ST3GAL1: variants seen among roughly 807,000 people sequenced by gnomAD.
The protein encoded by ST3GAL1 is CMP-N-acetylneuraminate-beta-galactosamide-alpha-2,3-sialyltransferase 1.
In ST3GAL1, 16 loss-of-function variants were observed where a neutral mutation model predicts 34.1. The observed-to-expected ratio is 0.47, with a 90% CI of 0.32 to 0.71. The LOEUF (loss-of-function observed/expected upper bound fraction) is 0.71. ST3GAL1 is among the 30% of genes least tolerant of loss of function. The pLI, the probability that ST3GAL1 is intolerant of heterozygous loss-of-function variation, is 0.04. For missense variants in ST3GAL1, 353 were observed against 447.4 expected (o/e 0.79, Z 1.90); for synonymous variants, 191 against 184.7 (o/e 1.03, Z -0.28).
Position 133,457,805 on chromosome 8 carries a change from G to T in ST3GAL1, c.*1959C>A, listed in dbSNP as rs922492908. 1.3e-5 allele frequency: 2 copies of T among 152,216 alleles called. No homozygotes were observed. The highest frequency in any genetic ancestry group is 4.8e-5 in the African/African-American group (2 of 41,462). 9.4% of individuals were successfully genotyped at this position (152,216 alleles called of 1,614,324 possible). The stretch of plus-strand genomic sequence containing the variant: ...TGTGACCCATGACTGATGTCCCCAA[G>T]TTCCTCCCTCCCCGTGTGCAGAGGG... On this transcript the variant is annotated 3_prime_UTR_variant, in exon 10 of 10. Transcript: ENST00000522652.
At chr8:133,569,949 G>T (rs1310139205) in intron 1 of ST3GAL1, among the ~76,000 whole-genome samples, 1 of 152,270 alleles carries the variant, frequency 6.6e-6, no homozygotes, top group Non-Finnish European at 1.5e-5. Flanking sequence ...GGGCTTGGTC[G>T]ATACATTTGA....
chr8:133,489,870 C>T (rs1472225537), intron 3 of ST3GAL1, among the ~76,000 whole-genome samples: 1 of 152,260 alleles, frequency 6.6e-6, no homozygotes. Flanking sequence ...TGACTCCTGC[C>T]GGGCTTAAAT....
At chr8:133,488,871 G>GT (rs896521918) in intron 3 of ST3GAL1, among the ~76,000 whole-genome samples, 4 of 152,012 alleles carry the variant, frequency 2.6e-5, no homozygotes, top group African/African-American at 9.7e-5. Flanking sequence ...GGCAGACAGG[G>GT]GGGGCCAGGC....
intron 2 of ST3GAL1, among the ~76,000 whole-genome samples, chr8:133,522,862 C>T (rs529870682): frequency 6.6e-6 from 1 of 152,160 alleles, no homozygotes; most frequent in Non-Finnish European, 1.5e-5. Flanking sequence ...GCTCCCAACA[C>T]CCTCACCAGG....
rs1295185762 is a variant in ST3GAL1, at chr8:133,461,587, T to C, written c.849+288A>G. On this transcript the variant is annotated intron_variant, in intron 9 of 9. Transcript: ENST00000522652. The surrounding 1 kb of genome is among the most constrained non-coding windows in gnomAD (Gnocchi z 4.7). The stretch of plus-strand genomic sequence containing the variant: ...GACAACTCTCGCTATGAGAATCCGC[T>C]TCTGTATCCGGAATCTGCTGCGAGA... Among the ~76,000 whole-genome samples the C allele has an allele frequency of 6.6e-6, 1 of 152,190 alleles. No individual in the cohort carries two copies. Among genetic ancestry groups the C allele is most frequent in the Non-Finnish European group, 1.5e-5 (1 of 68,032 alleles).
intron 2 of ST3GAL1, among the ~76,000 whole-genome samples, chr8:133,544,552 T>C (rs1007657080): frequency 6.6e-6 from 1 of 152,160 alleles, no homozygotes; most frequent in Non-Finnish European, 1.5e-5. Context: ...CTTCCTCTCC[T>C]TGTTTCTTAT....
At chr8:133,462,019 C>G (rs1350636918) in intron 8 of ST3GAL1, 25 bp from the exon 9 acceptor site, 1 of 1,613,736 alleles carries the variant, frequency 6.2e-7, no homozygotes, top group Non-Finnish European at 8.5e-7. Context: ...AGACACGGCC[C>G]TTAGTGAGTT....
At chr8:133,540,746 C>CAT (rs57077992) in intron 2 of ST3GAL1, among the ~76,000 whole-genome samples, 15 of 49,252 alleles carry the variant, frequency 3.0e-4, no homozygotes, top group East Asian at 9.9e-4. Flanking sequence ...TATATATAGA[C>CAT]ATATATATAT....
At chr8:133,554,754 G>C (rs1818958999) in intron 1 of ST3GAL1, among the ~76,000 whole-genome samples, 1 of 145,784 alleles carries the variant, frequency 6.9e-6, no homozygotes, top group African/African-American at 2.6e-5. Flanking sequence ...TTGAGTCGGA[G>C]TCTTGCTCTG....
At chr8:133,505,438 G>A (rs886176434) in intron 2 of ST3GAL1, among the ~76,000 whole-genome samples, 9 of 152,312 alleles carry the variant, frequency 5.9e-5, no homozygotes, top group African/African-American at 1.9e-4. Context: ...AAGGCTGCCT[G>A]CCGTGCTGGA....
chr8:133,515,739 A>T (rs1563722920), intron 2 of ST3GAL1: 1 of 152,212 alleles, frequency 6.6e-6, no homozygotes, highest in Non-Finnish European at 1.5e-5. Flanking sequence ...GGTTAGAATG[A>T]ATTGGTACTC....
intron 3 of ST3GAL1, among the ~76,000 whole-genome samples, chr8:133,497,917 A>C (rs1817018232): frequency 6.6e-6 from 1 of 152,138 alleles, no homozygotes; most frequent in Non-Finnish European, 1.5e-5. Flanking sequence ...AAACTCAAAG[A>C]GCGGGATGTT....
Position 133,498,405 on chromosome 8 carries a change from G to T in ST3GAL1, c.-374+730C>A, listed in dbSNP as rs558761843. ...AGTGTCCTTATCTGGAAAATGGGATGATTATAATGAAACTTCCAATGAGCC... is the reference window on the plus strand; with the variant it reads ...AGTGTCCTTATCTGGAAAATGGGATTATTATAATGAAACTTCCAATGAGCC... On this transcript the variant is annotated intron_variant, in intron 3 of 9. Coordinates refer to ENST00000522652, the MANE Select transcript of ST3GAL1 (RefSeq NM_173344.3). Among the ~76,000 whole-genome samples, 11 of 152,334 alleles carry T rather than the reference G, an allele frequency of 7.2e-5. No individual in the cohort carries two copies. In the East Asian group the frequency reaches 1.9e-3, roughly 27 times the overall value.
At chr8:133,484,184 G>C (rs1816495027) in intron 3 of ST3GAL1, among the ~76,000 whole-genome samples, 1 of 152,278 alleles carries the variant, frequency 6.6e-6, no homozygotes, top group East Asian at 1.9e-4. Context: ...ATCTGGGTTT[G>C]ATTCCTAAAT....
At chr8:133,510,059 CA>C (rs61402942) in intron 2 of ST3GAL1, among the ~76,000 whole-genome samples, 85,016 of 120,190 alleles carry the variant, frequency 0.71, 29,310 homozygotes, top group African/African-American at 0.78. Flanking sequence ...AACTCTGTCT[CA>C]AAAAAAAAAA....
intron 2 of ST3GAL1, among the ~76,000 whole-genome samples, chr8:133,527,701 A>G (rs1818018006): frequency 6.6e-6 from 1 of 152,226 alleles, no homozygotes; most frequent in South Asian, 2.1e-4. Context: ...GACTCAGCCC[A>G]TGGCTCACGC....
chr8:133,487,197 C>T (rs1401671502), intron 3 of ST3GAL1, among the ~76,000 whole-genome samples: 1 of 152,038 alleles, frequency 6.6e-6, no homozygotes, highest in African/African-American at 2.4e-5. Context: ...CCTTGGCCTC[C>T]CAAAGTGCTG....
At chr8:133,510,858 C>G (rs182743997) in intron 2 of ST3GAL1, among the ~76,000 whole-genome samples, 1 of 152,156 alleles carries the variant, frequency 6.6e-6, no homozygotes, top group Non-Finnish European at 1.5e-5. Flanking sequence ...AGCAGAGACT[C>G]GGAGCAAACT....
intron 2 of ST3GAL1, among the ~76,000 whole-genome samples, chr8:133,527,236 G>A (rs1391348491): frequency 1.3e-5 from 2 of 152,214 alleles, no homozygotes; most frequent in African/African-American, 4.8e-5. Flanking sequence ...AGCCAAAAGA[G>A]GGGCTTGAGC....
Sources: gnomAD v4.1 joint callset for allele counts (sites outside exome capture counted in the v4.1 genomes callset) on GRCh38, gnomAD v4.1.1 for gene constraint, Gnocchi (gnomAD v3.1) non-coding constraint, MANE v1.5 for transcripts, NCBI Gene and HGNC (gene_info 2026-07-23, HGNC 2026-07-21) for gene names.